Variants in TJP1 observed in about 807,000 individuals in gnomAD.
TJP1 encodes the protein tight junction protein 1.
TJP1 carries 43 observed loss-of-function variants against 194.2 expected under a neutral mutation model. The observed-to-expected ratio is 0.22, with a 90% CI of 0.17 to 0.29. The LOEUF is 0.29. TJP1 is among the 10% of genes least tolerant of loss of function. TJP1 has a pLI of 1.00. For missense variants in TJP1, 1,971 were observed against 2,185.7 expected (o/e 0.90, Z 1.96); for synonymous variants, 801 against 779.0 (o/e 1.03, Z -0.47).
At chr15:29,806,892 TA>T (rs1417951107) in intron 1 of TJP1, among the ~76,000 whole-genome samples, 1 of 152,030 alleles carries the variant, frequency 6.6e-6, no homozygotes, top group African/African-American at 2.4e-5. Context: ...CAGGAGGTAG[TA>T]AAAAAGATCA....
At chr15:29,715,953 T>G (rs1309257888) in intron 23 of TJP1, among the ~76,000 whole-genome samples, 1 of 152,162 alleles carries the variant, frequency 6.6e-6, no homozygotes. Context: ...TAGACACAAC[T>G]ATCAGTACCA....
At chr15:29,858,354 T>C (rs762457249) in intron 2 of TJP1, among the ~76,000 whole-genome samples, 1 of 151,598 alleles carries the variant, frequency 6.6e-6, no homozygotes, top group Non-Finnish European at 1.5e-5. Flanking sequence ...TGAGCCGAAA[T>C]TGCACCACTG....
In TJP1 at chr15:29,838,992, C is replaced by CTTTT. The variant is rs760557407; in HGVS notation, c.307-38294_307-38291dup. Reference sequence around the variant, plus strand: ...ATAGTAATCCACAGTAAAAATTCACCTTTTTTTTTTTTTTTTTTTTTTTTG... The same window carrying CTTTT: ...ATAGTAATCCACAGTAAAAATTCACCTTTTTTTTTTTTTTTTTTTTTTTTTTTTG... On this transcript the variant is annotated intron_variant, in intron 2 of 28. Transcript: ENST00000356107. Among the ~76,000 whole-genome samples, 277 of 83,458 alleles carry CTTTT rather than the reference C, an allele frequency of 3.3e-3. 3 individuals are homozygous for CTTTT. Among genetic ancestry groups the CTTTT allele is most frequent in the Non-Finnish European group, 3.7e-3 (178 of 48,436 alleles). The allele number at this position is 83,458 out of a possible 152,430, so 54.8% of individuals were successfully genotyped here. A position where few individuals can be genotyped will look rare whatever the true frequency, so the allele number is the denominator to read the frequency against.
intron 2 of TJP1, among the ~76,000 whole-genome samples, chr15:29,947,541 C>T (rs879782610): frequency 1.3e-5 from 2 of 152,166 alleles, no homozygotes; most frequent in Non-Finnish European, 2.9e-5. Context: ...TACCCGTTTC[C>T]TCCTTCTTCC....
intron 2 of TJP1, among the ~76,000 whole-genome samples, chr15:29,908,468 T>A (rs921810513): frequency 4.6e-5 from 7 of 152,158 alleles, no homozygotes; most frequent in African/African-American, 1.4e-4. Flanking sequence ...TATAAAGACA[T>A]TCTCAGTCAT....
At position 29,915,492 on chromosome 15, in the gene TJP1, G is replaced by C. The variant is rs556131691; in HGVS notation, c.306+40740C>G. On this transcript the variant is annotated intron_variant, in intron 2 of 28. Coordinates refer to the TJP1 transcript ENST00000356107. ...CTGGAAAATCATTGCTCTGTTACTG[G>C]TCTTTATCAAAGATGATTTCCAAAC... Among the ~76,000 whole-genome samples the C allele has an allele frequency of 7.2e-5, 11 of 152,240 alleles. No individual in the cohort carries two copies. In the South Asian group the frequency reaches 2.3e-3, roughly 32 times the overall value.
At chr15:29,891,069 C>G (rs2053291354) in intron 2 of TJP1, among the ~76,000 whole-genome samples, 1 of 152,214 alleles carries the variant, frequency 6.6e-6, no homozygotes, top group South Asian at 2.1e-4. Flanking sequence ...TTTTGTGGCC[C>G]TATGAACAAC....
intron 2 of TJP1, among the ~76,000 whole-genome samples, chr15:29,949,683 T>TCAC (rs2055551396): frequency 1.9e-4 from 3 of 15,610 alleles, no homozygotes; most frequent in Non-Finnish European, 3.9e-4. Flanking sequence ...ACCTCCACCT[T>TCAC]CACCACCACC....
chr15:29,709,872 C>A (rs1282533691), intron 24 of TJP1, among the ~76,000 whole-genome samples: 4 of 152,146 alleles, frequency 2.6e-5, no homozygotes, highest in African/African-American at 9.7e-5. Context: ...AGGCTAGGTG[C>A]GGTGGCTCAT....
intron 2 of TJP1, among the ~76,000 whole-genome samples, chr15:29,934,649 C>T (rs8029777): frequency 0.014 from 2,066 of 152,290 alleles, 54 homozygotes; most frequent in African/African-American, 0.047. Context: ...TTAACTACTT[C>T]TTAAAAAGGG....
chr15:29,848,124 T>G (rs1318435867), intron 2 of TJP1, among the ~76,000 whole-genome samples: 1 of 152,144 alleles, frequency 6.6e-6, no homozygotes, highest in Admixed American at 6.5e-5. Context: ...TGACCCAAGA[T>G]ATGATCAAAT....
chr15:29,912,399 A>C (rs2054043059), intron 2 of TJP1, among the ~76,000 whole-genome samples: 1 of 152,212 alleles, frequency 6.6e-6, no homozygotes, highest in Non-Finnish European at 1.5e-5. Context: ...TGAAAAACAG[A>C]AATATTTGTA....
chr15:29,949,873 CTCCACA>C (rs1596312753), intron 2 of TJP1, among the ~76,000 whole-genome samples: 3 of 105,496 alleles, frequency 2.8e-5, no homozygotes, highest in Non-Finnish European at 3.7e-5. Flanking sequence ...CCACCTCCAC[CTCCACA>C]ACCACCACCT....
intron 1 of TJP1, among the ~76,000 whole-genome samples, chr15:29,967,863 C>G (rs904888831): frequency 6.6e-6 from 1 of 152,112 alleles, no homozygotes; most frequent in African/African-American, 2.4e-5. Flanking sequence ...TTAAAATGAC[C>G]AATGCCATAA....
At chr15:29,820,663 A>G in intron 1 of TJP1, 1 of 671,062 alleles carries the variant, frequency 1.5e-6, no homozygotes, top group South Asian at 1.7e-5. Context: ...TACGGAAACA[A>G]AGCCTTTCCT....
intron 1 of TJP1, among the ~76,000 whole-genome samples, chr15:29,962,817 G>A (rs2056205429): frequency 6.6e-6 from 1 of 152,278 alleles, no homozygotes; most frequent in African/African-American, 2.4e-5. Context: ...AAAAAATAAT[G>A]TGCACAACTG....
At chr15:29,897,729 G>T (rs1470818508) in intron 2 of TJP1, among the ~76,000 whole-genome samples, 1 of 152,206 alleles carries the variant, frequency 6.6e-6, no homozygotes, top group Non-Finnish European at 1.5e-5. Flanking sequence ...CTGGATGTGA[G>T]ACATGGAGTC....
intron 20 of TJP1, 77 bp downstream of exon 20, chr15:29,719,700 T>G: frequency 6.5e-7 from 1 of 1,550,046 alleles, no homozygotes; most frequent in Admixed American, 1.9e-5. Flanking sequence ...AAGGAACACT[T>G]AAAGGGCAAA....
chr15:29,838,605 T>C (rs1031842467), intron 2 of TJP1, among the ~76,000 whole-genome samples: 1 of 45,544 alleles, frequency 2.2e-5, no homozygotes, highest in Non-Finnish European at 5.9e-5. Flanking sequence ...ACATGTACTC[T>C]GTGTGTCTGT....
Sources: gnomAD v4.1 joint callset for allele counts (sites outside exome capture counted in the v4.1 genomes callset) on GRCh38, gnomAD v4.1.1 for gene constraint, MANE v1.5 for transcripts, NCBI Gene and HGNC (gene_info 2026-07-23, HGNC 2026-07-21) for gene names.